Variants in ZBTB2 observed in about 807,000 individuals in gnomAD.
The protein encoded by ZBTB2 is zinc finger and BTB domain containing 2, also known as zinc finger and BTB domain-containing protein 2.
ZBTB2 carries 2 observed loss-of-function variants against 39.5 expected under a neutral mutation model. That is an observed-to-expected ratio of 0.05 (90% CI 0.02 to 0.16). The LOEUF (loss-of-function observed/expected upper bound fraction) is 0.16. Among genes scored for constraint, ZBTB2 ranks in the 10% least tolerant of loss-of-function variants. ZBTB2 has a pLI of 1.00. For synonymous variants in ZBTB2, 251 were observed against 256.6 expected (o/e 0.98, Z 0.21); for missense variants, 391 against 653.0 (o/e 0.60, Z 4.37).
At chr6:151,378,841 CT>C (rs1422193850) in intron 1 of ZBTB2, among the ~76,000 whole-genome samples, 1 of 152,174 alleles carries the variant, frequency 6.6e-6, no homozygotes, top group African/African-American at 2.4e-5. Flanking sequence ...TTATGGAGTG[CT>C]ACTATTGGCC....
intron 1 of ZBTB2, among the ~76,000 whole-genome samples, chr6:151,382,034 A>G (rs184632418): frequency 2.6e-5 from 4 of 152,318 alleles, no homozygotes; most frequent in Admixed American, 6.5e-5. Flanking sequence ...GGCCTAGGCT[A>G]TATGGTAATC....
At chr6:151,391,000 G>T (rs1474675234) in intron 1 of ZBTB2, among the ~76,000 whole-genome samples, 1 of 146,034 alleles carries the variant, frequency 6.8e-6, no homozygotes, top group Non-Finnish European at 1.5e-5. Flanking sequence ...AACGCGAATC[G>T]CCCCCCTCCC....
intron 1 of ZBTB2, among the ~76,000 whole-genome samples, chr6:151,383,559 CA>C (rs1039956943): frequency 1.3e-5 from 2 of 152,202 alleles, no homozygotes; most frequent in African/African-American, 4.8e-5. Context: ...AGGTCCTGAA[CA>C]CCCTGGTGAT....
chr6:151,372,498 G>T (rs917322499), intron 2 of ZBTB2, among the ~76,000 whole-genome samples: 9 of 152,088 alleles, frequency 5.9e-5, no homozygotes, highest in African/African-American at 2.2e-4. Flanking sequence ...TGGGGGCAGG[G>T]TGGGGGGTGT....
At chr6:151,391,038 C>A (rs1779292631) in intron 1 of ZBTB2, among the ~76,000 whole-genome samples, 2 of 133,630 alleles carry the variant, frequency 1.5e-5, no homozygotes, top group South Asian at 4.9e-4. Flanking sequence ...TCCCTCCGAT[C>A]CGCCGCCCGC....
intron 2 of ZBTB2, among the ~76,000 whole-genome samples, chr6:151,371,491 CAG>C (rs1374418013): frequency 1.3e-5 from 2 of 152,060 alleles, no homozygotes; most frequent in Non-Finnish European, 1.5e-5. Flanking sequence ...AGCTGGGACT[CAG>C]GGAGTGGGCA....
rs370190880 is a variant in ZBTB2 at position 151,368,384 on chromosome 6, C to A, written c.174-1492G>T. Among the ~76,000 whole-genome samples the A allele has an allele frequency of 1.1e-3, 169 of 152,216 alleles. 4 individuals carry two copies. In the South Asian group the frequency reaches 0.033, roughly 30 times the overall value. ...CAGGATGGTCTTGATCTGCTGAACT[C>A]GTGATCTGCCCGCCTCGGCCTCCCA... On this transcript the variant is annotated intron_variant, in intron 2 of 2. Coordinates refer to ENST00000325144, the MANE Select transcript of ZBTB2 (RefSeq NM_020861.3).
At chr6:151,381,448 G>A (rs111778349) in intron 1 of ZBTB2, among the ~76,000 whole-genome samples, 3 of 152,090 alleles carry the variant, frequency 2.0e-5, no homozygotes, top group Non-Finnish European at 4.4e-5. Context: ...TTAAACTTGG[G>A]AAGTGGAGGT....
At chr6:151,370,093 C>T (rs1778753658) in intron 2 of ZBTB2, 1 of 978,112 alleles carries the variant, frequency 1.0e-6, no homozygotes, top group African/African-American at 1.7e-5. Flanking sequence ...TAGTTCTCTA[C>T]AATATACTTA....
At chr6:151,387,202 T>C (rs1331051827) in intron 1 of ZBTB2, among the ~76,000 whole-genome samples, 3 of 152,220 alleles carry the variant, frequency 2.0e-5, no homozygotes, top group African/African-American at 7.2e-5. Context: ...TAAAACTACA[T>C]AACTGAATTA....
intron 1 of ZBTB2, among the ~76,000 whole-genome samples, chr6:151,388,166 G>C (rs1270356950): frequency 5.3e-5 from 8 of 151,904 alleles, no homozygotes; most frequent in African/African-American, 1.9e-4. Flanking sequence ...GAAAAGTGAT[G>C]ATAAATGACC....
chr6:151,377,188 A>G (rs931790694), intron 1 of ZBTB2, among the ~76,000 whole-genome samples: 1 of 151,940 alleles, frequency 6.6e-6, no homozygotes, highest in African/African-American at 2.4e-5. Flanking sequence ...GGGCATGGCT[A>G]TGGAAGGGCA....
Position 151,373,456 on chromosome 6 carries a change from T to A in ZBTB2, c.173+9A>T, listed in dbSNP as rs373995848. 6 of 1,613,944 alleles carry A rather than the reference T, an allele frequency of 3.7e-6. No homozygotes were observed. Among genetic ancestry groups the A allele is most frequent in the Non-Finnish European group, 4.2e-6 (5 of 1,179,982 alleles). On this transcript the variant is annotated intron_variant, in intron 2 of 2. Coordinates refer to ENST00000325144, the MANE Select transcript of ZBTB2 (RefSeq NM_020861.3). ...CAGTCATTAGGTTATTAGCAACCAC[T>A]TTAGTTACCTGGTCTGATGGACAAA...
Position 151,366,075 on chromosome 6 carries a change from C to A in ZBTB2, c.991G>T (p.Gly331Trp). The A allele has an allele frequency of 6.2e-7, 1 of 1,614,172 alleles. No individual in the cohort carries two copies. The highest frequency in any genetic ancestry group is 8.5e-7 in the Non-Finnish European group (1 of 1,180,038). The change falls in exon 3 of 3, where the codon GGG becomes TGG. Residue 331 changes from glycine (G) to tryptophan (W), a missense_variant. By Grantham distance (184) the Gly-to-Trp change is radical (BLOSUM62 -2). Transcript: ENST00000325144. This position sits in a 1 kb window ranked among gnomAD's most constrained non-coding sequence, Gnocchi z 7.1. ...GGTGGGGTTTCCGACTGCTGCTGCC[C>A]ATCGATGATGGGAGAATCAGAGATG... ...QHISDSPIIDGQQQSETPPPS... is the reference protein window; with the variant it reads ...QHISDSPIIDWQQQSETPPPS...
intron 2 of ZBTB2, 76 bp downstream of exon 2, chr6:151,373,389 T>C (rs1778828786): frequency 2.0e-6 from 3 of 1,526,522 alleles, no homozygotes; most frequent in Non-Finnish European, 1.8e-6. Context: ...GAGAGACCCA[T>C]GGTCTTGATG....
chr6:151,387,089 G>C (rs926799022), intron 1 of ZBTB2, among the ~76,000 whole-genome samples: 1 of 152,314 alleles, frequency 6.6e-6, no homozygotes, highest in African/African-American at 2.4e-5. Flanking sequence ...GTTGGAAAAA[G>C]GAGATATATT....
At chr6:151,371,989 A>T (rs1778797974) in intron 2 of ZBTB2, among the ~76,000 whole-genome samples, 1 of 152,214 alleles carries the variant, frequency 6.6e-6, no homozygotes, top group African/African-American at 2.4e-5. Context: ...ACTCAACTCT[A>T]AATGCCCAGC....
intron 1 of ZBTB2, among the ~76,000 whole-genome samples, chr6:151,375,094 T>C (rs1778880337): frequency 1.3e-5 from 2 of 152,042 alleles, no homozygotes; most frequent in Admixed American, 6.6e-5. Context: ...CACTCCAGCC[T>C]GGGTGACACA....
At chr6:151,377,545 T>A (rs1778942110) in intron 1 of ZBTB2, among the ~76,000 whole-genome samples, 1 of 145,468 alleles carries the variant, frequency 6.9e-6, no homozygotes, top group Non-Finnish European at 1.5e-5. Context: ...ATTTTTTTTT[T>A]TTTTTTTTTT....
Sources: gnomAD v4.1 joint callset for allele counts (sites outside exome capture counted in the v4.1 genomes callset) on GRCh38, gnomAD v4.1.1 for gene constraint, Gnocchi (gnomAD v3.1) non-coding constraint, MANE v1.5 for transcripts, NCBI Gene and HGNC (gene_info 2026-07-23, HGNC 2026-07-21) for gene names.